ASTN2: variants seen among roughly 807,000 people sequenced by gnomAD.
ASTN2 encodes astrotactin-2.
ASTN2 carries 54 observed loss-of-function variants against 139.8 expected under a neutral mutation model. The observed-to-expected ratio is 0.39, with a 90% CI of 0.31 to 0.48. The LOEUF (loss-of-function observed/expected upper bound fraction) is 0.48. ASTN2 is among the 20% of genes least tolerant of loss of function. ASTN2 has a pLI of 0.95. For missense variants in ASTN2, 1,565 were observed against 1,725.1 expected (o/e 0.91, Z 1.64); for synonymous variants, 756 against 719.5 (o/e 1.05, Z -0.81).
At position 116,440,777 on chromosome 9, in the gene ASTN2, A is replaced by G. The variant is rs752449600; in HGVS notation, c.3614T>C (p.Ile1205Thr). ...DNKAEEIADKIYNLYNGYTSG... is the reference protein window; with the variant it reads ...DNKAEEIADKTYNLYNGYTSG... The stretch of plus-strand genomic sequence containing the variant: ...TGTGTACCCATTGTACAGATTGTAG[A>G]TCTTGTCAGCTATTTCTGAGAGGGC... The change falls in exon 22 of 23, where the codon ATC becomes ACC. Residue 1205 changes from isoleucine to threonine, a missense_variant. By Grantham distance (89) the Ile-to-Thr change is moderately conservative. This residue lies in a region of ASTN2 where 418 missense variants were observed against 465.8 expected (regional missense o/e 0.90). Coordinates refer to ENST00000313400, the MANE Select transcript of ASTN2 (RefSeq NM_001365068.1). 47 of 1,613,464 alleles carry G rather than the reference A, an allele frequency of 2.9e-5. No homozygotes were observed. The highest frequency in any genetic ancestry group is 3.9e-5 in the Non-Finnish European group (46 of 1,179,602).
chr9:116,878,132 T>C (rs187034020), intron 10 of ASTN2, among the ~76,000 whole-genome samples: 3 of 152,314 alleles, frequency 2.0e-5, no homozygotes, highest in Admixed American at 2.0e-4. Context: ...AGTTCATCCA[T>C]TGTGTAAGAC....
intron 10 of ASTN2, among the ~76,000 whole-genome samples, chr9:116,869,430 T>A (rs1833098326): frequency 6.6e-6 from 1 of 152,206 alleles, no homozygotes; most frequent in African/African-American, 2.4e-5. Context: ...CAGTCCTTGA[T>A]TCTTATCAAA....
chr9:117,142,275 C>T (rs1169375176), intron 3 of ASTN2, among the ~76,000 whole-genome samples: 1 of 152,146 alleles, frequency 6.6e-6, no homozygotes, highest in African/African-American at 2.4e-5. Flanking sequence ...TGAAAACAAT[C>T]ACTAACTAAA....
At chr9:117,356,035 C>T (rs111435778) in intron 1 of ASTN2, among the ~76,000 whole-genome samples, 24 of 152,234 alleles carry the variant, frequency 1.6e-4, no homozygotes, top group African/African-American at 5.3e-4. Context: ...TTAACTTATG[C>T]TATCACTAGA....
In ASTN2 at chr9:116,423,997, T is replaced by G. The variant is rs958669083; in HGVS notation, c.*1854A>C. Among the ~76,000 whole-genome samples, 2 of 152,204 alleles carry G rather than the reference T, an allele frequency of 1.3e-5. No homozygotes were observed. The highest frequency in any genetic ancestry group is 4.8e-5 in the African/African-American group (2 of 41,448). The stretch of plus-strand genomic sequence containing the variant: ...CTTTTCCTCTTCTGAAACCCCACAG[T>G]GCTACACTCTCTTCTCTTAACAGGT... On this transcript the variant is annotated 3_prime_UTR_variant, in exon 23 of 23. Coordinates refer to ENST00000313400, the MANE Select transcript of ASTN2 (RefSeq NM_001365068.1).
At chr9:117,016,184 G>T (rs1179227836) in intron 6 of ASTN2, among the ~76,000 whole-genome samples, 1 of 151,996 alleles carries the variant, frequency 6.6e-6, no homozygotes, top group Non-Finnish European at 1.5e-5. Flanking sequence ...GGAAACTGAG[G>T]GTCAAGGCAA....
rs534774285 is a variant in ASTN2, at chr9:116,890,563, C to G, written c.1890-26830G>C. Among the ~76,000 whole-genome samples, 8 of 152,318 alleles carry G rather than the reference C, an allele frequency of 5.3e-5. No homozygotes were observed. The South Asian group carries it at 1.2e-3, about 24-fold the overall frequency. On this transcript the variant is annotated intron_variant, in intron 10 of 22. Transcript: ENST00000313400. The stretch of plus-strand genomic sequence containing the variant: ...TCCAAGTACATAGCTGTAAAATGAT[C>G]TTTTGACACTTAAGCTTTCGAAAGT...
chr9:116,736,440 T>C (rs777344583), intron 13 of ASTN2, among the ~76,000 whole-genome samples: 7 of 152,134 alleles, frequency 4.6e-5, no homozygotes, highest in Non-Finnish European at 1.0e-4. Context: ...TCATCACTGC[T>C]TGGGTAGAGG....
chr9:116,799,709 G>GT (rs1010686422), intron 13 of ASTN2, among the ~76,000 whole-genome samples: 18 of 136,648 alleles, frequency 1.3e-4, no homozygotes, highest in African/African-American at 6.0e-4. Flanking sequence ...AAGAGAGTGG[G>GT]GGGGGGGAGA....
rs1837975625 is a variant in ASTN2, at chr9:117,024,017, C to T, written c.1424-15758G>A. 1.3e-5 allele frequency among the ~76,000 whole-genome samples: 2 copies of T among 152,110 alleles called. 1 individual carries two copies. Among genetic ancestry groups the T allele is most frequent in the Non-Finnish European group, 2.9e-5 (2 of 68,014 alleles). ...GACTGGGCGCTACTGAGGGCTGATG[C>T]TGCAGGTCAACTAGGGAGAGAGGAG... On this transcript the variant is annotated intron_variant, in intron 6 of 22. Coordinates refer to ENST00000313400, the MANE Select transcript of ASTN2 (RefSeq NM_001365068.1).
At chr9:116,947,615 C>G (rs1835433447) in intron 10 of ASTN2, among the ~76,000 whole-genome samples, 1 of 152,178 alleles carries the variant, frequency 6.6e-6, no homozygotes, top group Non-Finnish European at 1.5e-5. Flanking sequence ...CAGACTCATT[C>G]TCAAAGCATA....
Position 116,531,452 on chromosome 9 carries a change from G to A in ASTN2, c.3356-43952C>T, listed in dbSNP as rs763706101. Among the ~76,000 whole-genome samples the A allele has an allele frequency of 3.9e-5, 6 of 152,112 alleles. No homozygotes were observed. In the East Asian group the frequency reaches 5.8e-4, roughly 15 times the overall value. ...TACATATGTATACGTGTGCCATGTC[G>A]GTGTGTTGCACCCATTAACTCGTCA... On this transcript the variant is annotated intron_variant, in intron 19 of 22. Coordinates refer to ENST00000313400, the MANE Select transcript of ASTN2 (RefSeq NM_001365068.1).
chr9:116,694,852 G>C (rs1860762900), intron 16 of ASTN2, among the ~76,000 whole-genome samples: 1 of 152,006 alleles, frequency 6.6e-6, no homozygotes, highest in Non-Finnish European at 1.5e-5. Flanking sequence ...CATAGTTTCA[G>C]ATATCCACAT....
intron 2 of ASTN2, among the ~76,000 whole-genome samples, chr9:117,282,610 A>AGT (rs1564124625): frequency 8.0e-5 from 12 of 149,818 alleles, no homozygotes; most frequent in African/African-American, 3.1e-4. Context: ...GGGCTTGGCC[A>AGT]TGTGATGTGC....
intron 10 of ASTN2, among the ~76,000 whole-genome samples, chr9:116,907,800 C>A (rs1461889293): frequency 6.6e-6 from 1 of 152,134 alleles, no homozygotes; most frequent in Admixed American, 6.5e-5. Flanking sequence ...AGGTAAGGTG[C>A]TGCAGGAAAA....
intron 17 of ASTN2, among the ~76,000 whole-genome samples, chr9:116,627,267 A>G (rs1173447272): frequency 6.6e-6 from 1 of 152,164 alleles, no homozygotes; most frequent in Non-Finnish European, 1.5e-5. Flanking sequence ...TAGCCGAGCA[A>G]TGGGAAGTAG....
chr9:116,447,292 G>A (rs977707108), intron 20 of ASTN2, among the ~76,000 whole-genome samples: 2 of 152,030 alleles, frequency 1.3e-5, no homozygotes, highest in African/African-American at 4.8e-5. Flanking sequence ...TCCCCTGCAC[G>A]GTGCCCATGC....
chr9:117,151,698 T>G (rs1192375518), intron 3 of ASTN2, among the ~76,000 whole-genome samples: 1 of 152,028 alleles, frequency 6.6e-6, no homozygotes, highest in Non-Finnish European at 1.5e-5. Flanking sequence ...GAAAGAGTAT[T>G]ATGAGCAAGA....
intron 6 of ASTN2, among the ~76,000 whole-genome samples, chr9:117,016,636 A>AACCTATATATGTTACATATATAGGT (rs1564385933): frequency 4.7e-5 from 1 of 21,434 alleles, no homozygotes; most frequent in African/African-American, 1.3e-4. Context: ...ATATATATAT[A>AACCTATATATGTTACATATATAGGT]TATATATATA....
Sources: gnomAD v4.1 joint callset for allele counts (sites outside exome capture counted in the v4.1 genomes callset) on GRCh38, gnomAD v4.1.1 for gene constraint, gnomAD v4.1.1 regional missense constraint, MANE v1.5 for transcripts, NCBI Gene and HGNC (gene_info 2026-07-23, HGNC 2026-07-21) for gene names.